The following NR3C1 variants were observed in gnomAD, a reference collection of about 807,000 sequenced individuals.
The protein encoded by NR3C1 is nuclear receptor subfamily 3 group C member 1, also known as glucocorticoid receptor.
Under a neutral mutation model 74.0 loss-of-function variants are expected in NR3C1, and 14 were observed. That is an observed-to-expected ratio of 0.19 (90% CI 0.12 to 0.30). The LOEUF is 0.30. Among genes scored for constraint, NR3C1 ranks in the 10% least tolerant of loss-of-function variants. The pLI, the probability that NR3C1 is intolerant of heterozygous loss-of-function variation, is 1.00. For synonymous variants in NR3C1, 308 were observed against 332.5 expected (o/e 0.93, Z 0.80); for missense variants, 695 against 909.8 (o/e 0.76, Z 3.04).
chr5:143,421,109 T>C (rs920252486), intron 1 of NR3C1, among the ~76,000 whole-genome samples: 2 of 152,204 alleles, frequency 1.3e-5, no homozygotes, highest in African/African-American at 4.8e-5. Flanking sequence ...GAGAAAATTC[T>C]GGAAACTTGC....
At chr5:143,360,524 C>T (rs1262190742) in intron 2 of NR3C1, among the ~76,000 whole-genome samples, 3 of 152,188 alleles carry the variant, frequency 2.0e-5, no homozygotes, top group Non-Finnish European at 4.4e-5. Flanking sequence ...TATTTAGAAA[C>T]ACAAAATATT....
chr5:143,315,207 G>C (rs1480422033), intron 2 of NR3C1, among the ~76,000 whole-genome samples: 2 of 152,182 alleles, frequency 1.3e-5, no homozygotes, highest in East Asian at 3.9e-4. Flanking sequence ...TATTACTGGA[G>C]GAAAAATTAA....
chr5:143,308,518 C>G (rs1354412293), intron 4 of NR3C1, among the ~76,000 whole-genome samples: 1 of 152,112 alleles, frequency 6.6e-6, no homozygotes, highest in African/African-American at 2.4e-5. Context: ...TTTCCATTCT[C>G]TCTCAGTACT....
chr5:143,372,667 T>C (rs1467121969), intron 2 of NR3C1, among the ~76,000 whole-genome samples: 1 of 152,146 alleles, frequency 6.6e-6, no homozygotes, highest in Non-Finnish European at 1.5e-5. Context: ...ATCTGGCCTA[T>C]CAAACATAAG....
chr5:143,407,641 G>T (rs1191917945), upstream of NR3C1, among the ~76,000 whole-genome samples: 4 of 152,200 alleles, frequency 2.6e-5, no homozygotes, highest in Admixed American at 2.0e-4. Flanking sequence ...TGGTCTTAGA[G>T]ACTATGTCCT....
At position 143,279,645 on chromosome 5, in the gene NR3C1, C is replaced by G. The variant is rs149745013; in HGVS notation, c.*2244G>C. ...TAACAAATAACATTCAAAAAGCATTCAAAGAAAACAAAAACATGTCCTCAT... is the reference window on the plus strand; with the variant it reads ...TAACAAATAACATTCAAAAAGCATTGAAAGAAAACAAAAACATGTCCTCAT... On this transcript the variant is annotated 3_prime_UTR_variant, in exon 9 of 9. Transcript: ENST00000394464. 2.2e-5 allele frequency: 9 copies of G among 415,756 alleles called. No individual in the cohort carries two copies. Among genetic ancestry groups the G allele is most frequent in the African/African-American group, 1.5e-4 (7 of 47,912 alleles). The allele number at this position is 415,756 out of a possible 1,614,324, so 25.8% of individuals were successfully genotyped here.
At chr5:143,403,728 A>AC, upstream of NR3C1, 1 of 984,060 alleles carries the variant, frequency 1.0e-6, no homozygotes, top group Non-Finnish European at 1.2e-6. Context: ...CTCCCACTCC[A>AC]CCCCCGGCCG....
At chr5:143,312,855 A>G (rs1821260146) in intron 3 of NR3C1, among the ~76,000 whole-genome samples, 4 of 152,224 alleles carry the variant, frequency 2.6e-5, no homozygotes, top group Admixed American at 2.6e-4. Context: ...GTTAAGTAAC[A>G]TCCACTTTAT....
At chr5:143,401,262 T>G in intron 1 of NR3C1, 1 of 237,152 alleles carries the variant, frequency 4.2e-6, no homozygotes, top group South Asian at 5.5e-5. Flanking sequence ...TCCTACCTCT[T>G]TTCAATCACG....
intron 2 of NR3C1, among the ~76,000 whole-genome samples, chr5:143,360,992 T>C (rs1832128331): frequency 6.6e-6 from 1 of 152,116 alleles, no homozygotes; most frequent in Non-Finnish European, 1.5e-5. Flanking sequence ...AAATAAGCTA[T>C]CCTATAGAAG....
chr5:143,395,040 C>T (rs564108307), intron 2 of NR3C1, among the ~76,000 whole-genome samples: 1 of 151,920 alleles, frequency 6.6e-6, no homozygotes, highest in Middle Eastern at 3.2e-3. Context: ...GGGGTTAAAA[C>T]CACTGTCTAC....
exon 1 of NR3C1, chr5:143,435,080 G>A (rs775120431): frequency 4.5e-5 from 44 of 985,282 alleles, no homozygotes; most frequent in Non-Finnish European, 5.2e-5. Context: ...ACCAACATGT[G>A]AGGTCTGATG....
chr5:143,330,678 A>G (rs1364872348), intron 2 of NR3C1, among the ~76,000 whole-genome samples: 3 of 152,228 alleles, frequency 2.0e-5, no homozygotes, highest in Non-Finnish European at 4.4e-5. Flanking sequence ...ACTGCTGTTA[A>G]CAGCTCCAAA....
At chr5:143,404,197 G>A, upstream of NR3C1, 5 of 985,456 alleles carry the variant, frequency 5.1e-6, no homozygotes, top group Non-Finnish European at 6.0e-6. Context: ...CTGCGTGAGT[G>A]GCCCGCGCCG....
At chr5:143,343,104 T>C (rs1265841800) in intron 2 of NR3C1, among the ~76,000 whole-genome samples, 1 of 152,174 alleles carries the variant, frequency 6.6e-6, no homozygotes. Flanking sequence ...AGGACAAATA[T>C]AAGATAGCAT....
intron 4 of NR3C1, among the ~76,000 whole-genome samples, chr5:143,306,822 G>GTTA (rs1390385092): frequency 6.8e-6 from 1 of 146,466 alleles, no homozygotes; most frequent in East Asian, 2.0e-4. Context: ...CATATAATTG[G>GTTA]TTATTTTTAA....
intron 2 of NR3C1, among the ~76,000 whole-genome samples, chr5:143,398,356 G>GTGT (rs556234844): frequency 0.2 from 17,220 of 85,226 alleles, 1,355 homozygotes; most frequent in Non-Finnish European, 0.27. Flanking sequence ...AGGTTTTTTG[G>GTGT]TTTTTTTTTT....
intron 2 of NR3C1, among the ~76,000 whole-genome samples, 175 bp downstream of exon 2, chr5:143,399,481 C>T (rs1262549625): frequency 6.6e-6 from 1 of 152,196 alleles, no homozygotes; most frequent in African/African-American, 2.4e-5. Flanking sequence ...GAAATGGTTA[C>T]GTACAGATGT....
intron 1 of NR3C1, among the ~76,000 whole-genome samples, chr5:143,428,643 A>G (rs1029152123): frequency 3.9e-5 from 6 of 152,186 alleles, no homozygotes; most frequent in African/African-American, 1.2e-4. Flanking sequence ...TCACACTGCA[A>G]TGGCAGGCTT....
Sources: allele counts gnomAD v4.1 joint callset (sites outside exome capture counted in the v4.1 genomes callset), GRCh38; gene constraint gnomAD v4.1.1; transcripts MANE v1.5; gene names NCBI Gene and HGNC (gene_info 2026-07-23, HGNC 2026-07-21).